The following SLC17A8 variants were observed in gnomAD, a reference collection of about 807,000 sequenced individuals.
SLC17A8 encodes solute carrier family 17 member 8, also known as vesicular glutamate transporter 3.
SLC17A8 carries 31 observed loss-of-function variants against 58.0 expected under a neutral mutation model. That is an observed-to-expected ratio of 0.53 (90% CI 0.40 to 0.72). SLC17A8 has a LOEUF of 0.72. Among genes scored for constraint, SLC17A8 ranks in the 30% least tolerant of loss-of-function variants. The pLI is 0.00. For missense variants in SLC17A8, 655 were observed against 727.8 expected (o/e 0.90, Z 1.15); for synonymous variants, 228 against 249.0 (o/e 0.92, Z 0.79).
chr12:100,371,918 G>T (rs1952561642), intron 1 of SLC17A8, among the ~76,000 whole-genome samples: 1 of 152,072 alleles, frequency 6.6e-6, no homozygotes, highest in Non-Finnish European at 1.5e-5. Context: ...AGTAAGATGG[G>T]GATATCTCCT....
intron 1 of SLC17A8, among the ~76,000 whole-genome samples, chr12:100,363,023 A>G (rs553137844): frequency 1.3e-5 from 2 of 152,302 alleles, no homozygotes; most frequent in African/African-American, 4.8e-5. Context: ...TGCTCCCATG[A>G]TGAAGCGACA....
At chr12:100,407,168 AAC>A (rs1424937907) in intron 9 of SLC17A8, among the ~76,000 whole-genome samples, 1 of 152,218 alleles carries the variant, frequency 6.6e-6, no homozygotes, top group African/African-American at 2.4e-5. Context: ...AGACACAAAA[AAC>A]ACAGAAGTTT....
intron 2 of SLC17A8, among the ~76,000 whole-genome samples, chr12:100,385,739 A>G (rs918880583): frequency 2.6e-5 from 4 of 152,224 alleles, no homozygotes; most frequent in Admixed American, 6.5e-5. Context: ...AAGCTAACCT[A>G]TATTAAATAC....
intron 10 of SLC17A8, among the ~76,000 whole-genome samples, chr12:100,415,284 G>A (rs977259536): frequency 2.0e-5 from 3 of 151,922 alleles, no homozygotes; most frequent in African/African-American, 7.3e-5. Flanking sequence ...TGGCCAACAT[G>A]GTGAAACCGC....
At chr12:100,376,112 T>A (rs1388634459) in intron 1 of SLC17A8, among the ~76,000 whole-genome samples, 2 of 152,134 alleles carry the variant, frequency 1.3e-5, no homozygotes, top group Admixed American at 6.6e-5. Context: ...AAGAGAGCCA[T>A]CTGCAAGCCA....
chr12:100,415,214 C>T (rs1419057656), intron 10 of SLC17A8, among the ~76,000 whole-genome samples: 1 of 151,802 alleles, frequency 6.6e-6, no homozygotes, highest in Non-Finnish European at 1.5e-5. Context: ...GACTATAATC[C>T]CAGCACTTTG....
chr12:100,381,784 C>T (rs1277968472), intron 2 of SLC17A8, among the ~76,000 whole-genome samples: 1 of 152,086 alleles, frequency 6.6e-6, no homozygotes, highest in African/African-American at 2.4e-5. Flanking sequence ...TTAAAAATCA[C>T]ATTTGTGACA....
At chr12:100,389,477 A>G (rs543625329) in intron 2 of SLC17A8, among the ~76,000 whole-genome samples, 1 of 152,134 alleles carries the variant, frequency 6.6e-6, no homozygotes, top group Non-Finnish European at 1.5e-5. Context: ...ATAACTTAGT[A>G]GCCCCCCAAA....
intron 1 of SLC17A8, among the ~76,000 whole-genome samples, chr12:100,376,847 T>C (rs890669506): frequency 7.9e-5 from 12 of 152,152 alleles, no homozygotes; most frequent in African/African-American, 2.7e-4. Context: ...TCTCACTCTG[T>C]TACCCAGGCT....
At chr12:100,393,230 C>T in intron 3 of SLC17A8, 139 bp from the exon 4 acceptor site, 1 of 631,936 alleles carries the variant, frequency 1.6e-6, no homozygotes, top group East Asian at 3.4e-5. Flanking sequence ...TCCCAAAGTG[C>T]TGGGATTACA....
At chr12:100,414,306 G>A (rs1242123210) in intron 10 of SLC17A8, among the ~76,000 whole-genome samples, 1 of 152,146 alleles carries the variant, frequency 6.6e-6, no homozygotes, top group Non-Finnish European at 1.5e-5. Context: ...TAAGACAGGG[G>A]CTTGTATCTT....
intron 1 of SLC17A8, among the ~76,000 whole-genome samples, chr12:100,360,735 C>A (rs536612877): frequency 1.3e-5 from 2 of 152,294 alleles, no homozygotes; most frequent in Non-Finnish European, 2.9e-5. Flanking sequence ...CATTATGTTA[C>A]CCCTGTAATC....
chr12:100,413,939 T>C (rs1952888822), intron 10 of SLC17A8, among the ~76,000 whole-genome samples: 1 of 152,110 alleles, frequency 6.6e-6, no homozygotes, highest in Middle Eastern at 3.4e-3. Context: ...TTCGTGCCAC[T>C]GCATTCCAGC....
At position 100,370,499 on chromosome 12, in the gene SLC17A8, G is replaced by C. The variant is rs567577889; in HGVS notation, c.102-10202G>C. ...TATAATAGAGATGGAGTTTTGCCAT[G>C]TTGGCCAGGCTGGTCTTGAACTCCT... On this transcript the variant is annotated intron_variant, in intron 1 of 11. Coordinates refer to ENST00000323346, the MANE Select transcript of SLC17A8 (RefSeq NM_139319.3). 3.3e-5 allele frequency among the ~76,000 whole-genome samples: 5 copies of C among 151,554 alleles called. No individual in the cohort carries two copies. The East Asian group carries it at 9.7e-4, about 29-fold the overall frequency.
chr12:100,400,870 C>T (rs1244321919), intron 5 of SLC17A8, among the ~76,000 whole-genome samples: 1 of 152,026 alleles, frequency 6.6e-6, no homozygotes, highest in East Asian at 1.9e-4. Context: ...TAAACATTCA[C>T]ACACAGGTAA....
chr12:100,375,278 A>T lies in SLC17A8; in HGVS notation c.102-5423A>T, dbSNP rs186081559. On this transcript the variant is annotated intron_variant, in intron 1 of 11. Coordinates refer to ENST00000323346, the MANE Select transcript of SLC17A8 (RefSeq NM_139319.3). Reference sequence around the variant, plus strand: ...ACTTGGATTACAGGCATGAGTTACTACACCTGGCCAAGAGATTTATTGAGG... The same window carrying T: ...ACTTGGATTACAGGCATGAGTTACTTCACCTGGCCAAGAGATTTATTGAGG... Among the ~76,000 whole-genome samples, 402 of 151,938 alleles carry T rather than the reference A, an allele frequency of 2.6e-3. 2 individuals are homozygous for T. The highest frequency in any genetic ancestry group is 9.2e-3 in the African/African-American group (382 of 41,422).
chr12:100,392,826 A>C (rs1952726248), intron 3 of SLC17A8, among the ~76,000 whole-genome samples: 1 of 152,212 alleles, frequency 6.6e-6, no homozygotes, highest in Non-Finnish European at 1.5e-5. Context: ...TTGGATAGTC[A>C]GTGTTTCTGA....
chr12:100,391,153 A>G lies in SLC17A8; in HGVS notation c.473+34A>G, dbSNP rs187512004. 4.7e-3 allele frequency: 6,727 copies of G among 1,430,892 alleles called. 24 individuals carry two copies. Among genetic ancestry groups the G allele is most frequent in the Non-Finnish European group, 5.6e-3 (5,713 of 1,013,402 alleles). 88.6% of individuals were successfully genotyped at this position (1,430,892 alleles called of 1,614,324 possible). A position where few individuals can be genotyped will look rare whatever the true frequency, so the allele number is the denominator to read the frequency against. Reference sequence around the variant, plus strand: ...AATTGATATAACATGATACAAACCAATGAAATGTGGCTTTGTACCTATAAA... The same window carrying G: ...AATTGATATAACATGATACAAACCAGTGAAATGTGGCTTTGTACCTATAAA... On this transcript the variant is annotated intron_variant, in intron 3 of 11. Coordinates refer to ENST00000323346, the MANE Select transcript of SLC17A8 (RefSeq NM_139319.3).
At chr12:100,363,605 A>T (rs1417377021) in intron 1 of SLC17A8, among the ~76,000 whole-genome samples, 2 of 152,116 alleles carry the variant, frequency 1.3e-5, no homozygotes, top group Non-Finnish European at 2.9e-5. Context: ...ACTTCAAATG[A>T]TCCACCCGCC....
Sources: allele counts gnomAD v4.1 joint callset (sites outside exome capture counted in the v4.1 genomes callset), GRCh38; gene constraint gnomAD v4.1.1; transcripts MANE v1.5; gene names NCBI Gene and HGNC (gene_info 2026-07-23, HGNC 2026-07-21).